Variants in SNED1 observed in about 807,000 individuals in gnomAD.
SNED1 encodes sushi, nidogen and EGF-like domain-containing protein 1.
A neutral mutation model predicts 166.7 loss-of-function variants in SNED1; 81 were observed. The ratio of observed to expected loss-of-function variants is 0.49; its 90% CI spans 0.41 to 0.58. The LOEUF is 0.58. SNED1 is among the 20% of genes least tolerant of loss of function. The probability of loss-of-function intolerance (pLI) is 0.00; values close to 1 mark genes in which losing one functional copy is unlikely to be tolerated. For synonymous variants in SNED1, 762 were observed against 822.0 expected, an observed-to-expected ratio of 0.93 and a Z score of 1.25; for missense variants, 1,604 against 2,000.2, an observed-to-expected ratio of 0.80 and a Z score of 3.78.
At chr2:241,022,907 A>AT in intron 1 of SNED1, among the ~76,000 whole-genome samples, 1 of 152,298 alleles carries the variant, frequency 6.6e-6, no homozygotes, top group East Asian at 1.9e-4. Flanking sequence ...AGGGGCTGAA[A>AT]TGGTAGCCTC....
chr2:241,050,993 C>T lies in SNED1; in HGVS notation c.1736-751C>T, dbSNP rs1029946044. 5.9e-5 allele frequency among the ~76,000 whole-genome samples: 9 copies of T among 152,352 alleles called. No homozygotes were observed. In the South Asian group the frequency reaches 8.3e-4, roughly 14 times the overall value. On this transcript the variant is annotated intron_variant, in intron 12 of 31. Coordinates refer to ENST00000310397, the MANE Select transcript of SNED1 (RefSeq NM_001080437.3). ...CCACCAATGTGGACACCTCTGACCC[C>T]GGAGGGAGTACGGAAGGGACAAGGA...
chr2:241,033,668 G>A (rs931298870), intron 2 of SNED1, 67 bp from the exon 3 acceptor site: 6 of 1,516,050 alleles, frequency 4.0e-6, no homozygotes, highest in African/African-American at 1.4e-5. Context: ...CCAGGATGGT[G>A]GACAGGGCAG....
In SNED1 at chr2:241,075,954, A is replaced by G; in HGVS notation, c.3916+2590A>G. 6.6e-6 allele frequency among the ~76,000 whole-genome samples: 1 copy of G among 152,124 alleles called. No homozygotes were observed. Among genetic ancestry groups the G allele is most frequent in the Middle Eastern group, 3.2e-3 (1 of 316 alleles). On this transcript the variant is annotated intron_variant, in intron 27 of 31. Coordinates refer to ENST00000310397, the MANE Select transcript of SNED1 (RefSeq NM_001080437.3). This position sits in a 1 kb window ranked among gnomAD's most constrained non-coding sequence, Gnocchi z 4.8. ...ATGCTAAAAAGTCCCTTTTTCCCCCACTGTCAGTATCAAAATTCCACATAT... is the reference window on the plus strand; with the variant it reads ...ATGCTAAAAAGTCCCTTTTTCCCCCGCTGTCAGTATCAAAATTCCACATAT...
chr2:241,091,966 C>T lies in SNED1; in HGVS notation c.*330C>T, dbSNP rs1352339161. On this transcript the variant is annotated 3_prime_UTR_variant, in exon 32 of 32. Coordinates refer to ENST00000310397, the MANE Select transcript of SNED1 (RefSeq NM_001080437.3). The surrounding 1 kb of genome is among the most constrained non-coding windows in gnomAD (Gnocchi z 4.1). ...ATGACAGCTCGCCATTCCCCGGAAT[C>T]AGTGAGGCTGTCAGTCAGCCACGCT... is the stretch of plus-strand genomic sequence containing the variant. 6.6e-6 allele frequency: 1 copy of T among 152,296 alleles called. No homozygotes were observed. Among genetic ancestry groups the T allele is most frequent in the African/African-American group, 2.4e-5 (1 of 41,464 alleles). 9.4% of individuals were successfully genotyped at this position (152,296 alleles called of 1,614,324 possible). A position where few individuals can be genotyped will look rare whatever the true frequency, so the allele number is the denominator to read the frequency against.
chr2:241,057,431 C>G (rs1350074384), intron 16 of SNED1, among the ~76,000 whole-genome samples: 1 of 141,440 alleles, frequency 7.1e-6, no homozygotes, highest in Non-Finnish European at 1.5e-5. Context: ...CAGTGGCTCA[C>G]ACATATAATG....
chr2:241,049,246 C>T (rs760927083), intron 11 of SNED1, 111 bp downstream of exon 11: 2 of 779,894 alleles, frequency 2.6e-6, no homozygotes, highest in Non-Finnish European at 4.2e-6. Context: ...TTCTGACTCT[C>T]GGGAGAGCTG....
chr2:241,038,108 T>A (rs1018537589), intron 6 of SNED1, among the ~76,000 whole-genome samples: 1 of 146,430 alleles, frequency 6.8e-6, no homozygotes, highest in Non-Finnish European at 1.5e-5. Context: ...ACCATAGGGC[T>A]CTGCTCAGGG....
intron 1 of SNED1, among the ~76,000 whole-genome samples, chr2:241,014,723 A>G (rs2124844628): frequency 6.6e-6 from 1 of 152,164 alleles, no homozygotes. Flanking sequence ...CCTTGGGTGG[A>G]TAGAAGGTGT....
rs374367773 is a variant in SNED1 at position 241,087,194 on chromosome 2, CAATA to C, written c.4122-194_4122-191del. Reference sequence around the variant, plus strand: ...TTATTTTATGCATATTACTGTACCACAATAAATTTATTACAAATCACATGACCTT... The same window carrying C: ...TTATTTTATGCATATTACTGTACCACAATTTATTACAAATCACATGACCTT... On this transcript the variant is annotated intron_variant, in intron 29 of 31. Coordinates refer to ENST00000310397, the MANE Select transcript of SNED1 (RefSeq NM_001080437.3). 921 of 573,258 alleles carry C rather than the reference CAATA, an allele frequency of 1.6e-3. 11 individuals carry two copies. The South Asian group carries it at 0.018, about 11-fold the overall frequency. The allele number at this position is 573,258 out of a possible 1,614,324, so 35.5% of individuals were successfully genotyped here.
chr2:241,082,365 G>T lies in SNED1; in HGVS notation c.4121+1G>T, dbSNP rs765184259. 10 of 1,612,262 alleles carry T rather than the reference G, an allele frequency of 6.2e-6. No homozygotes were observed. The Middle Eastern group carries it at 1.3e-3, about 213-fold the overall frequency. ...GGGAGGGAGGCGTCTGTCACCACGT[G>T]TAAGTTGGTTTCTGTCCTCCGCCTT... is the stretch of plus-strand genomic sequence containing the variant. On this transcript the variant is annotated splice_donor_variant, in intron 29 of 31. Transcript: ENST00000310397. LOFTEE classifies it high-confidence loss of function.
chr2:241,014,782 G>C (rs1416486131), intron 1 of SNED1, among the ~76,000 whole-genome samples: 1 of 152,114 alleles, frequency 6.6e-6, no homozygotes, highest in African/African-American at 2.4e-5. Context: ...CAGTCTTGCA[G>C]CTGTTTCATT....
At chr2:241,019,772 C>G (rs2060715171) in intron 1 of SNED1, among the ~76,000 whole-genome samples, 1 of 152,220 alleles carries the variant, frequency 6.6e-6, no homozygotes, top group South Asian at 2.1e-4. Context: ...GTTTGCAACA[C>G]CAGCGGGCCC....
chr2:241,021,989 A>G (rs2060788263), intron 1 of SNED1, among the ~76,000 whole-genome samples: 1 of 152,200 alleles, frequency 6.6e-6, no homozygotes, highest in South Asian at 2.1e-4. Flanking sequence ...TTGTGTTTTC[A>G]ATCTGCATCT....
rs267599293 is a variant in SNED1, at chr2:241,048,685, C to A, written c.1423C>A (p.Arg475Ser). Residue 475 changes from arginine (R) to serine (S), a missense_variant, in exon 10 of 32, where the codon CGC (arginine) becomes AGC (serine). Arg to Ser is a moderately radical substitution (Grantham distance 110). This residue lies in a region of SNED1 where 1,237 missense variants were observed against 1,620.8 expected (regional missense o/e 0.76). Coordinates refer to ENST00000310397, the MANE Select transcript of SNED1 (RefSeq NM_001080437.3). ...AGGAGTCCCCGATGACTGTGAGTGCCGCAACGGAGGCAGATGCCTGGGCGC... is the reference window on the plus strand; with the variant it reads ...AGGAGTCCCCGATGACTGTGAGTGCAGCAACGGAGGCAGATGCCTGGGCGC... Reference protein sequence around the residue: ...RERVPDDCECRNGGRCLGANT... With the variant: ...RERVPDDCECSNGGRCLGANT... 1 of 1,611,832 alleles carries A rather than the reference C, an allele frequency of 6.2e-7. No individual in the cohort carries two copies.
chr2:241,084,228 C>A (rs2063472495), intron 29 of SNED1, among the ~76,000 whole-genome samples: 1 of 151,296 alleles, frequency 6.6e-6, no homozygotes, highest in Non-Finnish European at 1.5e-5. Context: ...CCTCTGCCTC[C>A]TGGGTTCAAG....
chr2:241,090,641 C>A (rs148874445), intron 31 of SNED1, among the ~76,000 whole-genome samples: 1 of 152,082 alleles, frequency 6.6e-6, no homozygotes, highest in South Asian at 2.1e-4. Flanking sequence ...CCGAGGCCGG[C>A]GGATCACTTG....
rs769057122 is a variant in SNED1 at position 241,082,333 on chromosome 2, C to G, written c.4090C>G (p.Pro1364Ala). The change falls in exon 29 of 32, where the codon CCA becomes GCA. Residue 1364 changes from proline (P) to alanine (A), a missense_variant. By Grantham distance (27) the Pro-to-Ala change is conservative (BLOSUM62 -1). Transcript: ENST00000310397. ...TRLFSETKAF[P>A]VWEGGVCHHV... ...GCTGTTCTCCGAGACAAAGGCCTTT[C>G]CAGTCTGGGAGGGAGGCGTCTGTCA... 11 of 1,613,528 alleles carry G rather than the reference C, an allele frequency of 6.8e-6. No individual in the cohort carries two copies. Among genetic ancestry groups the G allele is most frequent in the Admixed American group, 1.7e-5 (1 of 59,998 alleles).
Position 241,072,029 on chromosome 2 carries a change from C to T in SNED1, c.3817+151C>T, listed in dbSNP as rs551547005. The T allele has an allele frequency of 6.8e-4, 526 of 774,388 alleles. 5 individuals are homozygous for T. The African/African-American group carries it at 7.9e-3, about 12-fold the overall frequency. The allele number at this position is 774,388 out of a possible 1,614,324, so 48.0% of individuals were successfully genotyped here. On this transcript the variant is annotated intron_variant, in intron 26 of 31. Coordinates refer to ENST00000310397, the MANE Select transcript of SNED1 (RefSeq NM_001080437.3). Reference sequence around the variant, plus strand: ...CCCCACCCCGACTGTGCACAAGGCGCGGGGCTCGTGGGCCGCCGGCAGCAT... The same window carrying T: ...CCCCACCCCGACTGTGCACAAGGCGTGGGGCTCGTGGGCCGCCGGCAGCAT...
At chr2:241,059,450 C>A (rs1004627699) in intron 16 of SNED1, among the ~76,000 whole-genome samples, 1 of 152,170 alleles carries the variant, frequency 6.6e-6, no homozygotes, top group Admixed American at 6.5e-5. Context: ...TCTCAACTCA[C>A]CTTGATACCA....
Sources: gnomAD v4.1 joint callset for allele counts (sites outside exome capture counted in the v4.1 genomes callset) on GRCh38, gnomAD v4.1.1 for gene constraint, gnomAD v4.1.1 regional missense constraint, Gnocchi (gnomAD v3.1) non-coding constraint, MANE v1.5 for transcripts, NCBI Gene and HGNC (gene_info 2026-07-23, HGNC 2026-07-21) for gene names.